NEK1: variants seen among roughly 807,000 people sequenced by gnomAD.
NEK1 encodes serine/threonine-protein kinase Nek1.
NEK1 carries 137 observed loss-of-function variants against 182.1 expected under a neutral mutation model. That is an observed-to-expected ratio of 0.75 (90% CI 0.65 to 0.87). The LOEUF is 0.87. NEK1 is among the 40% of genes least tolerant of loss of function. The pLI is 0.00. For missense variants in NEK1, 1,391 were observed against 1,494.4 expected (o/e 0.93, Z 1.14); for synonymous variants, 513 against 492.2 (o/e 1.04, Z -0.56).
chr4:169,414,740 G>A (rs1340214052), intron 31 of NEK1, among the ~76,000 whole-genome samples: 1 of 152,178 alleles, frequency 6.6e-6, no homozygotes, highest in Non-Finnish European at 1.5e-5. Flanking sequence ...GCTGTGAGGT[G>A]TAAGAATCTG....
chr4:169,461,533 C>T (rs748900845), intron 27 of NEK1, among the ~76,000 whole-genome samples: 6 of 152,054 alleles, frequency 3.9e-5, no homozygotes, highest in Non-Finnish European at 7.4e-5. Flanking sequence ...CAGCTGTGGC[C>T]GCAGAGCATT....
chr4:169,522,198 A>G (rs1238235907), intron 19 of NEK1, among the ~76,000 whole-genome samples: 2 of 152,120 alleles, frequency 1.3e-5, no homozygotes, highest in Non-Finnish European at 2.9e-5. Flanking sequence ...TGTGTTTTTC[A>G]GTTCTATAAT....
At chr4:169,536,437 AAC>A (rs1376460631) in intron 19 of NEK1, among the ~76,000 whole-genome samples, 2 of 151,902 alleles carry the variant, frequency 1.3e-5, no homozygotes, top group African/African-American at 4.9e-5. Context: ...TCTTGTCAGA[AAC>A]AGGGCAAGCC....
chr4:169,536,653 C>A (rs1758558300), intron 19 of NEK1, among the ~76,000 whole-genome samples: 1 of 151,902 alleles, frequency 6.6e-6, no homozygotes, highest in Non-Finnish European at 1.5e-5. Flanking sequence ...TTACCAGATT[C>A]TCCAGCATGA....
chr4:169,440,342 A>T (rs79871967), intron 27 of NEK1, among the ~76,000 whole-genome samples: 16,718 of 152,066 alleles, frequency 0.11, 1,006 homozygotes, highest in East Asian at 0.17. Flanking sequence ...ATGGTAAAAA[A>T]TTTTTTTAAA....
chr4:169,410,277 T>C (rs1285828115), intron 31 of NEK1, among the ~76,000 whole-genome samples: 1 of 152,184 alleles, frequency 6.6e-6, no homozygotes, highest in Admixed American at 6.5e-5. Flanking sequence ...AGTACCAAAT[T>C]TTAGGAAACC....
intron 32 of NEK1, among the ~76,000 whole-genome samples, chr4:169,402,605 AT>A (rs1209186408): frequency 3.3e-5 from 5 of 152,234 alleles, no homozygotes. Context: ...GAAATAACTT[AT>A]ACAAATAATA....
At chr4:169,559,153 T>C (rs181001694) in intron 16 of NEK1, among the ~76,000 whole-genome samples, 1 of 152,220 alleles carries the variant, frequency 6.6e-6, no homozygotes, top group Admixed American at 6.5e-5. Context: ...TTGTCTCAGT[T>C]ATTAAACATT....
chr4:169,444,557 G>A (rs1035497649), intron 27 of NEK1, among the ~76,000 whole-genome samples: 1 of 152,110 alleles, frequency 6.6e-6, no homozygotes, highest in Admixed American at 6.6e-5. Flanking sequence ...AATTAAATGA[G>A]CAGATCTAAC....
At chr4:169,569,441 TCTCTCC>T (rs1397947074) in intron 12 of NEK1, among the ~76,000 whole-genome samples, 6 of 147,612 alleles carry the variant, frequency 4.1e-5, no homozygotes, top group Non-Finnish European at 6.0e-5. Context: ...TCCCTCTCCC[TCTCTCC>T]CTCCCTCCCT....
chr4:169,463,451 T>C, intron 26 of NEK1, 56 bp from the exon 27 acceptor site: 1 of 1,303,960 alleles, frequency 7.7e-7, no homozygotes, highest in Non-Finnish European at 1.0e-6. Context: ...TAATACTGCA[T>C]GGTAAGGCAG....
At chr4:169,516,330 G>A (rs1452005815) in intron 19 of NEK1, among the ~76,000 whole-genome samples, 1 of 130,006 alleles carries the variant, frequency 7.7e-6, no homozygotes, top group Admixed American at 7.3e-5. Context: ...CATGTCCTTT[G>A]CCCAGTTTTT....
intron 19 of NEK1, among the ~76,000 whole-genome samples, chr4:169,530,428 G>A (rs1757494174): frequency 6.6e-6 from 1 of 152,066 alleles, no homozygotes; most frequent in African/African-American, 2.4e-5. Flanking sequence ...TATTCAATAA[G>A]TTATATGAGA....
chr4:169,609,924 CTTCTT>C (rs779399228), intron 2 of NEK1, among the ~76,000 whole-genome samples: 3 of 152,208 alleles, frequency 2.0e-5, no homozygotes, highest in Middle Eastern at 3.4e-3. Context: ...TGGCATCATG[CTTCTT>C]TTCAAGTATA....
At chr4:169,528,719 G>A (rs1341825548) in intron 19 of NEK1, among the ~76,000 whole-genome samples, 2 of 152,140 alleles carry the variant, frequency 1.3e-5, no homozygotes. Context: ...GTATCAAATA[G>A]AATGTAGATA....
chr4:169,394,488 G>A lies in NEK1; in HGVS notation c.*22C>T. 2 of 1,355,782 alleles carry A rather than the reference G, an allele frequency of 1.5e-6. No homozygotes were observed. The highest frequency in any genetic ancestry group is 2.4e-5 in the East Asian group (1 of 40,912). The allele number at this position is 1,355,782 out of a possible 1,614,324, so 84.0% of individuals were successfully genotyped here. On this transcript the variant is annotated 3_prime_UTR_variant, in exon 36 of 36. Transcript: ENST00000507142. ...AATTCAAATGCTTTCATATAGTTGA[G>A]GATTAAAAAACATTTTGAGGATTAT...
intron 2 of NEK1, among the ~76,000 whole-genome samples, chr4:169,604,369 G>A (rs1770989899): frequency 6.6e-6 from 1 of 152,170 alleles, no homozygotes; most frequent in Admixed American, 6.5e-5. Context: ...GTGAGAAAGA[G>A]TCATAAGAGC....
intron 19 of NEK1, among the ~76,000 whole-genome samples, chr4:169,512,153 C>T (rs190879539): frequency 7.9e-5 from 12 of 152,212 alleles, no homozygotes; most frequent in Admixed American, 2.0e-4. Context: ...ATCGCTGGTT[C>T]TTGGTATGAA....
At chr4:169,541,662 G>A (rs1366799967) in intron 18 of NEK1, among the ~76,000 whole-genome samples, 2 of 152,098 alleles carry the variant, frequency 1.3e-5, no homozygotes, top group African/African-American at 4.8e-5. Flanking sequence ...TTGTGACAGC[G>A]TGCAGAGAAA....
Sources: allele counts gnomAD v4.1 joint callset (sites outside exome capture counted in the v4.1 genomes callset), GRCh38; gene constraint gnomAD v4.1.1; transcripts MANE v1.5; gene names NCBI Gene and HGNC (gene_info 2026-07-23, HGNC 2026-07-21).